CRY2: variants seen among roughly 807,000 people sequenced by gnomAD.
The protein encoded by CRY2 is cryptochrome circadian regulator 2, also known as cryptochrome-2.
Under a neutral mutation model 69.5 loss-of-function variants are expected in CRY2, and 31 were observed. The observed-to-expected ratio is 0.45, with a 90% confidence interval of 0.34 to 0.60. The LOEUF is 0.60. Ranked by LOEUF, CRY2 falls within the 20% of genes least tolerant of loss-of-function variation. CRY2 has a pLI of 0.02. For missense variants in CRY2, 606 were observed against 797.8 expected, an observed-to-expected ratio of 0.76 and a Z score of 2.90; for synonymous variants, 303 against 312.2, an observed-to-expected ratio of 0.97 and a Z score of 0.31.
chr11:45,860,497 C>T (rs1032048324), intron 3 of CRY2, among the ~76,000 whole-genome samples: 2 of 151,776 alleles, frequency 1.3e-5, no homozygotes, highest in Non-Finnish European at 2.9e-5. Context: ...ACAGATAGGC[C>T]AAGTGCCAAG....
chr11:45,852,404 A>C (rs896020401), intron 1 of CRY2, among the ~76,000 whole-genome samples: 5 of 152,212 alleles, frequency 3.3e-5, no homozygotes, highest in African/African-American at 1.2e-4. Context: ...GAAAGAATGC[A>C]TATACCTGCC....
chr11:45,872,009 C>G (rs1251082425), intron 10 of CRY2, 83 bp from the exon 11 acceptor site: 69 of 1,554,754 alleles, frequency 4.4e-5, no homozygotes, highest in Non-Finnish European at 5.8e-5. Flanking sequence ...CTCCCTGTCC[C>G]CTAAAGAGCT....
intron 1 of CRY2, among the ~76,000 whole-genome samples, chr11:45,852,231 TGA>T (rs987671918): frequency 1.3e-5 from 2 of 152,254 alleles, no homozygotes; most frequent in Admixed American, 1.3e-4. Flanking sequence ...TTTGGCCATG[TGA>T]GCTCAGCTAA....
upstream of CRY2, chr11:45,847,129 G>C (rs1010061164): frequency 6.6e-7 from 1 of 1,505,466 alleles, no homozygotes; most frequent in Non-Finnish European, 9.0e-7. Context: ...GCTTCTTCTA[G>C]AAGCAGGCCC....
intron 4 of CRY2, chr11:45,861,240 A>G: frequency 1.8e-6 from 1 of 561,650 alleles, no homozygotes; most frequent in Non-Finnish European, 3.1e-6. Context: ...GTTCATACTC[A>G]TACATGTAAT....
upstream of CRY2, chr11:45,847,419 G>A: frequency 6.3e-7 from 1 of 1,593,432 alleles, no homozygotes; most frequent in South Asian, 1.1e-5. Flanking sequence ...ATAGGTCACT[G>A]GGCGGGCTAT....
chr11:45,865,137 A>G (rs2086319998), intron 5 of CRY2, among the ~76,000 whole-genome samples: 1 of 152,150 alleles, frequency 6.6e-6, no homozygotes, highest in African/African-American at 2.4e-5. Flanking sequence ...AAAAAAAGCT[A>G]CTTAAACACA....
rs1420951760 is a variant in CRY2, at chr11:45,861,097, G to A, written c.652+65G>A. ...GCTTTTGTGTAAAGAAATTCTTTGT[G>A]AAAGTAATGCATGTCATTATAGAAA... is the stretch of plus-strand genomic sequence containing the variant. On this transcript the variant is annotated intron_variant, in intron 4 of 11. Transcript: ENST00000616080. The A allele has an allele frequency of 4.0e-6, 6 of 1,500,422 alleles. No individual in the cohort carries two copies. The Admixed American group carries it at 6.5e-5, about 16-fold the overall frequency. The allele number at this position is 1,500,422 out of a possible 1,614,324, so 92.9% of individuals were successfully genotyped here. A position where few individuals can be genotyped will look rare whatever the true frequency, so the allele number is the denominator to read the frequency against.
intron 1 of CRY2, among the ~76,000 whole-genome samples, chr11:45,854,276 G>A (rs1460077923): frequency 2.0e-5 from 3 of 152,232 alleles, no homozygotes; most frequent in African/African-American, 7.2e-5. Flanking sequence ...AGATAAGAAT[G>A]CCAGTGGATT....
intron 4 of CRY2, 129 bp downstream of exon 4, chr11:45,861,161 TCAC>T (rs1345707524): frequency 6.1e-6 from 6 of 979,898 alleles, no homozygotes; most frequent in Non-Finnish European, 8.8e-6. Context: ...GAAATGGCAG[TCAC>T]TATTACTCCA....
intron 6 of CRY2, among the ~76,000 whole-genome samples, chr11:45,868,484 A>T (rs1474730170): frequency 6.6e-6 from 1 of 151,818 alleles, no homozygotes; most frequent in African/African-American, 2.4e-5. Flanking sequence ...AGTAGAGCTA[A>T]TTTTTTACAT....
chr11:45,869,772 C>T lies in CRY2; in HGVS notation c.1149C>T (p.Phe383=), dbSNP rs753149456. 5.6e-6 allele frequency: 9 copies of T among 1,613,270 alleles called. No individual in the cohort carries two copies. The highest frequency in any genetic ancestry group is 6.8e-6 in the Non-Finnish European group (8 of 1,179,466). ...HHLARHAVAC[F]LTRGDLWVSW... The stretch of plus-strand genomic sequence containing the variant: ...TGGCCCGGCATGCCGTGGCCTGCTT[C>T]CTGACCCGCGGGGACCTCTGGGTCA... Residue 383 remains phenylalanine, a synonymous_variant, in exon 7 of 12, where the codon TTC becomes TTT. Transcript: ENST00000616080.
intron 1 of CRY2, among the ~76,000 whole-genome samples, chr11:45,853,799 C>G (rs2134629510): frequency 6.6e-6 from 1 of 152,250 alleles, no homozygotes; most frequent in East Asian, 1.9e-4. Context: ...GAGGCCAACA[C>G]AAGTGACGCA....
At chr11:45,847,240 A>C (rs1324921146), upstream of CRY2, 10 of 1,551,060 alleles carry the variant, frequency 6.4e-6, no homozygotes, top group South Asian at 1.1e-4. Context: ...AGCCTGCGTC[A>C]CTTGTCCGCA....
At chr11:45,876,495 C>T (rs2086425646) in intron 11 of CRY2, among the ~76,000 whole-genome samples, 1 of 152,340 alleles carries the variant, frequency 6.6e-6, no homozygotes, top group Middle Eastern at 3.4e-3. Flanking sequence ...GCTGACTGCT[C>T]CGGATTCCAT....
At chr11:45,868,638 TTTTG>T (rs1308676897) in intron 6 of CRY2, among the ~76,000 whole-genome samples, 2 of 152,112 alleles carry the variant, frequency 1.3e-5, no homozygotes, top group African/African-American at 4.8e-5. Context: ...ACATTTGTTT[TTTTG>T]TTTGTTTTTG....
At chr11:45,868,999 C>T (rs1368015777) in intron 6 of CRY2, among the ~76,000 whole-genome samples, 1 of 152,138 alleles carries the variant, frequency 6.6e-6, no homozygotes, top group Non-Finnish European at 1.5e-5. Flanking sequence ...GATAGCTTTG[C>T]CAGTTTGGTG....
intron 1 of CRY2, among the ~76,000 whole-genome samples, chr11:45,848,103 G>T (rs1229296821): frequency 6.6e-6 from 1 of 152,152 alleles, no homozygotes; most frequent in African/African-American, 2.4e-5. Context: ...TAGTGTGAGG[G>T]CGGGACGGGT....
chr11:45,870,431 T>G lies in CRY2; in HGVS notation c.1448T>G (p.Val483Gly), dbSNP rs1204497279. Residue 483 changes from valine (V) to glycine (G), a missense_variant, in exon 9 of 12, where the codon GTG (valine) becomes GGG (glycine). Physicochemically the swap from Val to Gly is moderately radical, Grantham distance 109. Around this residue, in one of 5 missense-constraint regions of CRY2, gnomAD observed 173 missense variants for 213.7 expected, o/e 0.81. Coordinates refer to ENST00000616080, the MANE Select transcript of CRY2 (RefSeq NM_021117.5). ...IQKAAKCIIG[V>G]DYPRPIVNHA... is the part of the protein sequence containing the mutation. ...AAGGCAGCCAAGTGCATCATTGGTG[T>G]GGACTACCCACGGCCCATCGTCAAC... 6.2e-7 allele frequency: 1 copy of G among 1,614,098 alleles called. No individual in the cohort carries two copies. Among genetic ancestry groups the G allele is most frequent in the African/African-American group, 1.3e-5 (1 of 74,934 alleles).
Sources: allele counts gnomAD v4.1 joint callset (sites outside exome capture counted in the v4.1 genomes callset), GRCh38; gene constraint gnomAD v4.1.1; regional missense constraint gnomAD v4.1.1; transcripts MANE v1.5; gene names NCBI Gene and HGNC (gene_info 2026-07-23, HGNC 2026-07-21).